The following SEC24D variants were observed in gnomAD, a reference collection of about 807,000 sequenced individuals.
The protein encoded by SEC24D is SEC24 homolog D, COPII component, also known as protein transport protein Sec24D.
Under a neutral mutation model 116.9 loss-of-function variants are expected in SEC24D, and 69 were observed. The observed-to-expected ratio is 0.59, with a 90% CI of 0.49 to 0.72. SEC24D has a LOEUF of 0.72. Among genes scored for constraint, SEC24D ranks in the 30% least tolerant of loss-of-function variants. The probability of loss-of-function intolerance (pLI) is 0.00; values close to 1 mark genes in which losing one functional copy is unlikely to be tolerated. For synonymous variants in SEC24D, 405 were observed against 442.8 expected, an observed-to-expected ratio of 0.91 and a Z score of 1.07; for missense variants, 1,131 against 1,264.1, an observed-to-expected ratio of 0.89 and a Z score of 1.60.
chr4:118,815,221 G>A (rs1004868476), intron 5 of SEC24D, 66 bp from the exon 6 acceptor site: 132 of 1,569,046 alleles, frequency 8.4e-5, no homozygotes, highest in Non-Finnish European at 1.0e-4. Flanking sequence ...ACTTGTTGAC[G>A]ATATTATGCT....
intron 19 of SEC24D, among the ~76,000 whole-genome samples, chr4:118,733,535 T>C (rs1725804775): frequency 6.6e-6 from 1 of 152,198 alleles, no homozygotes; most frequent in Non-Finnish European, 1.5e-5. Context: ...ATAGGTTCTG[T>C]GCAAAGTGTC....
intron 7 of SEC24D, among the ~76,000 whole-genome samples, chr4:118,800,457 TTTTTAGGACAAACTGGAAATCC>T (rs1729384228): frequency 6.6e-6 from 1 of 152,148 alleles, no homozygotes; most frequent in South Asian, 2.1e-4. Context: ...GATTTCACAG[TTTTTAGGACAAACTGGAAATCC>T]GGATTTTTAT....
Position 118,723,472 on chromosome 4 carries a change from T to G in SEC24D, c.*43A>C. The stretch of plus-strand genomic sequence containing the variant: ...AGAAAATTAGGCACCAAGAAGGAGA[T>G]TATCTCCTTGGAAATGCAACATCAA... On this transcript the variant is annotated 3_prime_UTR_variant, in exon 23 of 23. Transcript: ENST00000280551. 1 of 1,581,240 alleles carries G rather than the reference T, an allele frequency of 6.3e-7. No individual in the cohort carries two copies.
At chr4:118,757,680 C>A (rs756825375) in intron 11 of SEC24D, 41 bp downstream of exon 11, 1 of 1,573,716 alleles carries the variant, frequency 6.4e-7, no homozygotes, top group East Asian at 2.3e-5. Flanking sequence ...ATTAATTAGG[C>A]AATAATGTAT....
In SEC24D at chr4:118,822,394, T is replaced by C. The variant is rs868096999; in HGVS notation, c.248+2226A>G. Among the ~76,000 whole-genome samples, 6 of 152,292 alleles carry C rather than the reference T, an allele frequency of 3.9e-5. No individual in the cohort carries two copies. The Middle Eastern group carries it at 0.01, about 259-fold the overall frequency. On this transcript the variant is annotated intron_variant, in intron 3 of 22. Coordinates refer to ENST00000280551, the MANE Select transcript of SEC24D (RefSeq NM_014822.4). ...AGGGCCTGCTTGATGGTAAAGTCCA[T>C]GGTTTACTCACTCCTAAGCAACCTG...
At chr4:118,799,283 A>G (rs973725930) in intron 7 of SEC24D, among the ~76,000 whole-genome samples, 5 of 152,236 alleles carry the variant, frequency 3.3e-5, no homozygotes, top group African/African-American at 1.2e-4. Context: ...CTGAGAAACC[A>G]GAAGCATAAA....
rs530876882 is a variant in SEC24D, at chr4:118,787,882, A to G, written c.1041+9801T>C. On this transcript the variant is annotated intron_variant, in intron 8 of 22. Transcript: ENST00000280551. The stretch of plus-strand genomic sequence containing the variant: ...CACCAGGATAGAGTGACACTATGAT[A>G]GCTCACTGCAGTCTCACACTCCTGA... Among the ~76,000 whole-genome samples the G allele has an allele frequency of 2.6e-5, 4 of 152,312 alleles. No individual in the cohort carries two copies. The South Asian group carries it at 6.2e-4, about 24-fold the overall frequency.
chr4:118,791,518 A>ACTCCCTC (rs1398298175), intron 8 of SEC24D, among the ~76,000 whole-genome samples: 2 of 149,688 alleles, frequency 1.3e-5, no homozygotes, highest in Non-Finnish European at 3.0e-5. Context: ...AGCTCTCCCT[A>ACTCCCTC]CTCCCTACTC....
At chr4:118,761,472 G>A (rs751478913) in intron 10 of SEC24D, among the ~76,000 whole-genome samples, 9 of 152,150 alleles carry the variant, frequency 5.9e-5, no homozygotes, top group Admixed American at 4.6e-4. Flanking sequence ...GATAGACTGC[G>A]TCTCAAAACA....
chr4:118,780,064 CATTG>C (rs1728327601), intron 8 of SEC24D, among the ~76,000 whole-genome samples: 1 of 152,152 alleles, frequency 6.6e-6, no homozygotes, highest in Non-Finnish European at 1.5e-5. Context: ...CTCCTGGATT[CATTG>C]ATTTTTTGAA....
intron 17 of SEC24D, among the ~76,000 whole-genome samples, chr4:118,740,373 A>G (rs1469866169): frequency 1.3e-5 from 2 of 152,214 alleles, no homozygotes; most frequent in Non-Finnish European, 2.9e-5. Context: ...GAAGCCTAAC[A>G]GAAGTGAATA....
At chr4:118,820,914 G>A (rs1345210553) in intron 3 of SEC24D, among the ~76,000 whole-genome samples, 1 of 152,154 alleles carries the variant, frequency 6.6e-6, no homozygotes, top group Non-Finnish European at 1.5e-5. Context: ...AATAAAACAT[G>A]AAAATTTAGC....
chr4:118,734,348 G>T (rs558261085), intron 19 of SEC24D, among the ~76,000 whole-genome samples: 9 of 151,938 alleles, frequency 5.9e-5, no homozygotes, highest in African/African-American at 2.2e-4. Context: ...GAGTACCTGG[G>T]ATTACAGGCA....
At chr4:118,767,803 A>G (rs1228451075) in intron 9 of SEC24D, among the ~76,000 whole-genome samples, 1 of 152,226 alleles carries the variant, frequency 6.6e-6, no homozygotes, top group African/African-American at 2.4e-5. Context: ...TTTCAAGAAT[A>G]ACCTTGAGAA....
At chr4:118,825,153 C>G (rs560913451) in intron 2 of SEC24D, among the ~76,000 whole-genome samples, 2 of 152,156 alleles carry the variant, frequency 1.3e-5, no homozygotes, top group African/African-American at 2.4e-5. Flanking sequence ...CTAACTGTAA[C>G]TAAACGGGGC....
chr4:118,779,838 G>A lies in SEC24D; in HGVS notation c.1042-11527C>T, dbSNP rs189315953. On this transcript the variant is annotated intron_variant, in intron 8 of 22. Coordinates refer to ENST00000280551, the MANE Select transcript of SEC24D (RefSeq NM_014822.4). Reference sequence around the variant, plus strand: ...CTTCCTGGTTTAGTCTTGGGAGGGTGTATGTGTTGAGGAATTTACCCATTT... The same window carrying A: ...CTTCCTGGTTTAGTCTTGGGAGGGTATATGTGTTGAGGAATTTACCCATTT... Among the ~76,000 whole-genome samples, 499 of 152,280 alleles carry A rather than the reference G, an allele frequency of 3.3e-3. 3 individuals are homozygous for A. Among genetic ancestry groups the A allele is most frequent in the African/African-American group, 0.011 (470 of 41,554 alleles).
At chr4:118,740,495 G>A (rs980895142) in intron 17 of SEC24D, among the ~76,000 whole-genome samples, 168 bp downstream of exon 17, 3 of 152,168 alleles carry the variant, frequency 2.0e-5, no homozygotes, top group African/African-American at 7.2e-5. Flanking sequence ...GAATGAGTAT[G>A]GAGAAACCTC....
intron 8 of SEC24D, among the ~76,000 whole-genome samples, chr4:118,791,889 A>G (rs1162950240): frequency 6.6e-6 from 1 of 152,068 alleles, no homozygotes; most frequent in East Asian, 1.9e-4. Context: ...TCCACCTCCC[A>G]GGCGCCTGCC....
chr4:118,824,142 C>T (rs962749466), intron 3 of SEC24D, among the ~76,000 whole-genome samples: 4 of 152,036 alleles, frequency 2.6e-5, no homozygotes, highest in African/African-American at 9.7e-5. Context: ...TCTTTTTCTT[C>T]ATAACTTTTC....
Sources: gnomAD v4.1 joint callset for allele counts (sites outside exome capture counted in the v4.1 genomes callset) on GRCh38, gnomAD v4.1.1 for gene constraint, MANE v1.5 for transcripts, NCBI Gene and HGNC (gene_info 2026-07-23, HGNC 2026-07-21) for gene names.